ZSCAN25: variants seen among roughly 807,000 people sequenced by gnomAD.
ZSCAN25 encodes zinc finger and SCAN domain-containing protein 25.
A neutral mutation model predicts 38.7 loss-of-function variants in ZSCAN25; 27 were observed. The ratio of observed to expected loss-of-function variants is 0.70; its 90% CI spans 0.51 to 0.96. The LOEUF (loss-of-function observed/expected upper bound fraction) is 0.96. Among genes scored for constraint, ZSCAN25 ranks in the 40% least tolerant of loss-of-function variants. The pLI, the probability that ZSCAN25 is intolerant of heterozygous loss-of-function variation, is 0.00. For synonymous variants in ZSCAN25, 273 were observed against 277.7 expected (o/e 0.98, Z 0.17); for missense variants, 637 against 705.9 (o/e 0.90, Z 1.11).
the ZSCAN25 span, among the ~76,000 whole-genome samples, chr7:99,641,083 A>G: frequency 6.6e-6 from 1 of 152,130 alleles, no homozygotes; most frequent in Non-Finnish European, 1.5e-5. Context: ...AGAGATTGGG[A>G]GGAGAGAGGT....
chr7:99,666,708 A>G, the ZSCAN25 span: 11 of 1,614,058 alleles, frequency 6.8e-6, no homozygotes, highest in Admixed American at 1.7e-4. Context: ...AAAACAGATC[A>G]GTACCTGTAG....
intron 4 of ZSCAN25, 52 bp from the exon 5 acceptor site, chr7:99,621,321 A>G (rs2151260908): frequency 1.5e-6 from 2 of 1,309,282 alleles, no homozygotes; most frequent in Non-Finnish European, 9.8e-7. Context: ...AACTCCCTTC[A>G]TAACAGCCTT....
the ZSCAN25 span, among the ~76,000 whole-genome samples, chr7:99,655,807 T>G: frequency 6.6e-6 from 1 of 152,200 alleles, no homozygotes; most frequent in Non-Finnish European, 1.5e-5. Flanking sequence ...CCCTTGTAAG[T>G]TGAATTCCTA....
the ZSCAN25 span, chr7:99,671,488 A>G: frequency 3.8e-6 from 1 of 265,272 alleles, no homozygotes; most frequent in Admixed American, 5.1e-5. Context: ...AGTTTTGACA[A>G]TATGCCTACC....
the ZSCAN25 span, chr7:99,710,624 A>T: frequency 6.4e-7 from 1 of 1,574,212 alleles, no homozygotes; most frequent in Non-Finnish European, 8.6e-7. Flanking sequence ...ATTGTGAATG[A>T]AACAATCATG....
chr7:99,628,799 A>G (rs889289101), intron 7 of ZSCAN25, among the ~76,000 whole-genome samples: 2 of 152,200 alleles, frequency 1.3e-5, no homozygotes. Flanking sequence ...GGACATCTGG[A>G]TGAATGGAAA....
chr7:99,634,056 T>C (rs1342292736), downstream of ZSCAN25, among the ~76,000 whole-genome samples: 1 of 152,208 alleles, frequency 6.6e-6, no homozygotes, highest in African/African-American at 2.4e-5. Flanking sequence ...TGACAAGGCA[T>C]CTGTGGTTGC....
At chr7:99,643,345 C>T in the ZSCAN25 span, among the ~76,000 whole-genome samples, 1 of 152,066 alleles carries the variant, frequency 6.6e-6, no homozygotes, top group African/African-American at 2.4e-5. Context: ...ACTTTAGAAG[C>T]CTGTGAGCCG....
At chr7:99,720,688 C>T in the ZSCAN25 span, 1 of 371,860 alleles carries the variant, frequency 2.7e-6, no homozygotes, top group South Asian at 3.3e-5. Flanking sequence ...TTAGAAATGA[C>T]AGGAGAGCAT....
the ZSCAN25 span, among the ~76,000 whole-genome samples, chr7:99,714,184 T>C: frequency 3.9e-5 from 6 of 152,224 alleles, no homozygotes; most frequent in Non-Finnish European, 7.3e-5. Context: ...AATGACTCTT[T>C]ACCAATCTAT....
At chr7:99,732,977 A>G in the ZSCAN25 span, among the ~76,000 whole-genome samples, 2 of 152,228 alleles carry the variant, frequency 1.3e-5, no homozygotes, top group Non-Finnish European at 2.9e-5. Context: ...CATTCTGTAC[A>G]AATCCAGTGA....
chr7:99,642,022 A>G, the ZSCAN25 span, among the ~76,000 whole-genome samples: 1 of 152,152 alleles, frequency 6.6e-6, no homozygotes, highest in Admixed American at 6.5e-5. Context: ...GTTCTTCCTG[A>G]TCATGCCAGG....
chr7:99,707,776 T>G, the ZSCAN25 span: 1 of 1,613,064 alleles, frequency 6.2e-7, no homozygotes, highest in South Asian at 1.1e-5. Flanking sequence ...AAAATAATTG[T>G]TAATAAAACA....
At chr7:99,700,141 A>C in the ZSCAN25 span, 1 of 749,504 alleles carries the variant, frequency 1.3e-6, no homozygotes, top group Non-Finnish European at 2.3e-6. Context: ...CAGCAGTCTT[A>C]GGTCAAGCTG....
the ZSCAN25 span, among the ~76,000 whole-genome samples, chr7:99,683,477 T>G: frequency 4.0e-3 from 614 of 152,358 alleles, 2 homozygotes; most frequent in African/African-American, 0.014. Context: ...TTTAATCTAA[T>G]TTCATAGGAT....
chr7:99,663,916 T>C, the ZSCAN25 span: 4 of 1,544,630 alleles, frequency 2.6e-6, no homozygotes, highest in South Asian at 5.1e-5. Context: ...GTGTATAAAA[T>C]CTAAATTTAT....
the ZSCAN25 span, among the ~76,000 whole-genome samples, chr7:99,653,489 G>A: frequency 1.9e-5 from 2 of 102,604 alleles, no homozygotes; most frequent in Non-Finnish European, 4.0e-5. The surrounding 1 kb of genome is among the most constrained non-coding windows in gnomAD (Gnocchi z 4.2). Context: ...AAATAAATTT[G>A]TGGATAAACT....
At chr7:99,705,647 A>G in the ZSCAN25 span, 1 of 1,601,338 alleles carries the variant, frequency 6.2e-7, no homozygotes, top group Non-Finnish European at 8.5e-7. Flanking sequence ...GCAAAAGTAG[A>G]AAGTATAGCA....
chr7:99,731,365 CT>C, the ZSCAN25 span, among the ~76,000 whole-genome samples: 1 of 152,178 alleles, frequency 6.6e-6, no homozygotes, highest in Non-Finnish European at 1.5e-5. Context: ...CAATGATTAG[CT>C]AAAAGCAGCT....
Sources: gnomAD v4.1 joint callset for allele counts (sites outside exome capture counted in the v4.1 genomes callset) on GRCh38, gnomAD v4.1.1 for gene constraint, Gnocchi (gnomAD v3.1) non-coding constraint, MANE v1.5 for transcripts, NCBI Gene and HGNC (gene_info 2026-07-23, HGNC 2026-07-21) for gene names.